The following PTPRM variants were observed in gnomAD, a reference collection of about 807,000 sequenced individuals.
The protein encoded by PTPRM is receptor-type tyrosine-protein phosphatase mu.
Under a neutral mutation model 186.7 loss-of-function variants are expected in PTPRM, and 47 were observed. That is an observed-to-expected ratio of 0.25 (90% CI 0.20 to 0.32). The LOEUF (loss-of-function observed/expected upper bound fraction) is 0.32. Among genes scored for constraint, PTPRM ranks in the 10% least tolerant of loss-of-function variants. PTPRM has a pLI of 1.00. For synonymous variants in PTPRM, 668 were observed against 674.9 expected (o/e 0.99, Z 0.16); for missense variants, 1,494 against 1,865.0 (o/e 0.80, Z 3.66).
intron 1 of PTPRM, among the ~76,000 whole-genome samples, chr18:7,694,447 G>C (rs35866256): frequency 7.8e-6 from 1 of 128,938 alleles, no homozygotes; most frequent in Non-Finnish European, 1.5e-5. Flanking sequence ...TTTTTTTTTC[G>C]ACAGAGTCTC....
In PTPRM at chr18:7,637,459, G is replaced by A. The variant is rs983928939; in HGVS notation, c.73+69568G>A. On this transcript the variant is annotated intron_variant, in intron 1 of 32. Coordinates refer to ENST00000580170, the MANE Select transcript of PTPRM (RefSeq NM_001105244.2). ...AAAGGTTAAGTTCATTTCTTAATGT[G>A]TACACACTGCCTCTTACCCACTAGC... Among the ~76,000 whole-genome samples, 3 of 152,150 alleles carry A rather than the reference G, an allele frequency of 2.0e-5. No individual in the cohort carries two copies. The East Asian group carries it at 5.8e-4, about 29-fold the overall frequency.
intron 1 of PTPRM, among the ~76,000 whole-genome samples, chr18:7,575,287 G>A (rs1194472097): frequency 2.0e-5 from 3 of 152,276 alleles, no homozygotes; most frequent in African/African-American, 7.2e-5. Context: ...GCTGCCATCC[G>A]CAGCTGATCA....
chr18:8,275,859 T>C (rs6506569), intron 19 of PTPRM, among the ~76,000 whole-genome samples: 74,829 of 151,878 alleles, frequency 0.49, 18,572 homozygotes, highest in Admixed American at 0.56. Context: ...TCCTGAGTCA[T>C]GTTGAAACAT....
intron 22 of PTPRM, among the ~76,000 whole-genome samples, chr18:8,332,386 A>G (rs1207031465): frequency 6.6e-6 from 1 of 152,220 alleles, no homozygotes; most frequent in African/African-American, 2.4e-5. Context: ...GAAATTTGAC[A>G]TAACCTTTTG....
chr18:8,104,420 T>C (rs2091429157), intron 11 of PTPRM, among the ~76,000 whole-genome samples: 1 of 152,186 alleles, frequency 6.6e-6, no homozygotes, highest in African/African-American at 2.4e-5. Flanking sequence ...ATTTTTAAGC[T>C]GAAACATTTT....
At chr18:7,588,492 A>C (rs2037039310) in intron 1 of PTPRM, among the ~76,000 whole-genome samples, 2 of 152,180 alleles carry the variant, frequency 1.3e-5, no homozygotes, top group South Asian at 4.1e-4. Context: ...ATCTAACTAA[A>C]TCTCATTTTT....
chr18:7,700,543 A>C (rs1434429813), intron 1 of PTPRM, among the ~76,000 whole-genome samples: 1 of 152,218 alleles, frequency 6.6e-6, no homozygotes, highest in Admixed American at 6.5e-5. Flanking sequence ...TCCTCTAATT[A>C]TTCTAGGGAA....
intron 9 of PTPRM, among the ~76,000 whole-genome samples, chr18:8,079,300 A>G (rs1330135053): frequency 1.3e-5 from 2 of 152,080 alleles, no homozygotes; most frequent in Non-Finnish European, 2.9e-5. Flanking sequence ...TAATTTTGTC[A>G]ATCATCTTCC....
chr18:8,388,677 G>A (rs574279058), intron 31 of PTPRM, among the ~76,000 whole-genome samples: 46 of 152,240 alleles, frequency 3.0e-4, no homozygotes, highest in African/African-American at 1.1e-3. Flanking sequence ...AAAAATCTCT[G>A]TTGGCCAGGC....
At chr18:8,364,667 A>G (rs2095617356) in intron 23 of PTPRM, among the ~76,000 whole-genome samples, 1 of 152,194 alleles carries the variant, frequency 6.6e-6, no homozygotes, top group Non-Finnish European at 1.5e-5. Context: ...CTATTAATAG[A>G]AGTATGGATA....
intron 5 of PTPRM, among the ~76,000 whole-genome samples, chr18:7,942,437 C>T (rs934767435): frequency 1.3e-5 from 2 of 151,934 alleles, no homozygotes; most frequent in East Asian, 1.9e-4. Context: ...TGGTAATAAG[C>T]GGGGTGCACT....
chr18:8,287,423 A>G (rs1219028059), intron 19 of PTPRM, among the ~76,000 whole-genome samples: 2 of 152,196 alleles, frequency 1.3e-5, no homozygotes, highest in African/African-American at 4.8e-5. Context: ...TAGGAAAGTG[A>G]CAGCTGCCCT....
chr18:7,831,813 C>CTA (rs1338388957), intron 2 of PTPRM, among the ~76,000 whole-genome samples: 1 of 152,066 alleles, frequency 6.6e-6, no homozygotes, highest in Non-Finnish European at 1.5e-5. Context: ...ATCATTCTAC[C>CTA]CTCTGTCTCC....
chr18:7,923,113 C>T (rs1349727259), intron 4 of PTPRM, among the ~76,000 whole-genome samples: 1 of 152,190 alleles, frequency 6.6e-6, no homozygotes, highest in Non-Finnish European at 1.5e-5. Context: ...AGCACAGGCT[C>T]AGAACTGACC....
At chr18:8,067,400 T>C (rs1218406847) in intron 7 of PTPRM, among the ~76,000 whole-genome samples, 1 of 152,204 alleles carries the variant, frequency 6.6e-6, no homozygotes. Flanking sequence ...TATGACATTT[T>C]CCCAACAGTA....
In PTPRM at chr18:8,289,886, G is replaced by A. The variant is rs1166731726; in HGVS notation, c.2755-6482G>A. On this transcript the variant is annotated intron_variant, in intron 19 of 32. Transcript: ENST00000580170. ...TTCGGTTTGTTTAGAAACCTAGTTC[G>A]TGTGTCTAGATTCTTGTTTTCACCC... Among the ~76,000 whole-genome samples, 7 of 152,016 alleles carry A rather than the reference G, an allele frequency of 4.6e-5. No homozygotes were observed. In the South Asian group the frequency reaches 8.3e-4, roughly 18 times the overall value.
intron 19 of PTPRM, among the ~76,000 whole-genome samples, chr18:8,260,820 C>T (rs995355931): frequency 6.6e-6 from 1 of 152,226 alleles, no homozygotes; most frequent in African/African-American, 2.4e-5. Flanking sequence ...TTGAGACCAG[C>T]CCAGCAGCAG....
At chr18:7,827,878 C>A (rs1265711814) in intron 2 of PTPRM, among the ~76,000 whole-genome samples, 1 of 152,134 alleles carries the variant, frequency 6.6e-6, no homozygotes, top group Admixed American at 6.6e-5. Context: ...GAAAGTCCAC[C>A]CACATATTCC....
In PTPRM at chr18:7,984,612, C is replaced by T. The variant is rs937855417; in HGVS notation, c.1132+29198C>T. 6.2e-3 allele frequency among the ~76,000 whole-genome samples: 771 copies of T among 125,312 alleles called. 5 individuals are homozygous for T. The highest frequency in any genetic ancestry group is 0.017 in the African/African-American group (542 of 31,008). The allele number at this position is 125,312 out of a possible 152,430, so 82.2% of individuals were successfully genotyped here. On this transcript the variant is annotated intron_variant, in intron 7 of 32. Coordinates refer to ENST00000580170, the MANE Select transcript of PTPRM (RefSeq NM_001105244.2). ...ATATATATATATATATACACACACA[C>T]ACACACACACACACACAAACCCCCA...
Sources: allele counts gnomAD v4.1 joint callset (sites outside exome capture counted in the v4.1 genomes callset), GRCh38; gene constraint gnomAD v4.1.1; transcripts MANE v1.5; gene names NCBI Gene and HGNC (gene_info 2026-07-23, HGNC 2026-07-21).